Variants in CCL15 observed in about 807,000 individuals in gnomAD.
CCL15 encodes the protein C-C motif chemokine ligand 15.
CCL15 carries 8 observed loss-of-function variants against 10.6 expected under a neutral mutation model. The observed-to-expected ratio is 0.75, with a 90% CI of 0.44 to 1.36. CCL15 has a LOEUF of 1.36. Among genes scored for constraint, CCL15 ranks in the 40% most tolerant of loss-of-function variants. CCL15 has a pLI of 0.00. For missense variants in CCL15, 128 were observed against 136.6 expected (o/e 0.94, Z 0.32); for synonymous variants, 51 against 48.8 (o/e 1.04, Z -0.19).
chr17:35,998,435 C>T (rs756000188), intron 2 of CCL15, 44 bp from the exon 3 acceptor site: 46 of 1,366,734 alleles, frequency 3.4e-5, no homozygotes, highest in Admixed American at 1.8e-4. Context: ...TCTTTCTCCT[C>T]GAAAGCACAG....
At chr17:36,000,381 T>C (rs2089978719) in intron 1 of CCL15, among the ~76,000 whole-genome samples, 1 of 144,906 alleles carries the variant, frequency 6.9e-6, no homozygotes, top group Non-Finnish European at 1.5e-5. Flanking sequence ...GATAATTCAT[T>C]GAACCTGGTA....
Position 35,997,756 on chromosome 17 carries a change from T to C in CCL15, c.*11A>G, listed in dbSNP as rs200340682. 6.3e-7 allele frequency: 1 copy of C among 1,593,374 alleles called. No individual in the cohort carries two copies. The highest frequency in any genetic ancestry group is 8.6e-7 in the Non-Finnish European group (1 of 1,161,260). ...GGAGGTGGGTGGCTGGCCTCTTTTG[T>C]CTCTTTATTATTATATTGAGTAGGG... On this transcript the variant is annotated 3_prime_UTR_variant, in exon 4 of 4. Transcript: ENST00000617897.
At position 35,997,680 on chromosome 17, in the gene CCL15, A is replaced by AAT. The variant is rs2089930656; in HGVS notation, c.*85_*86dup. Reference sequence around the variant, plus strand: ...CATTACTTTCATTACCAGACACAACAATATATATATTTTTTAAGTATTTCA... The same window carrying AAT: ...CATTACTTTCATTACCAGACACAACAATATATATATATTTTTTAAGTATTTCA... On this transcript the variant is annotated 3_prime_UTR_variant, in exon 4 of 4. Transcript: ENST00000617897. 9.0e-6 allele frequency: 7 copies of AAT among 776,638 alleles called. No homozygotes were observed. Among genetic ancestry groups the AAT allele is most frequent in the Non-Finnish European group, 1.5e-5 (7 of 451,854 alleles). 48.1% of individuals were successfully genotyped at this position (776,638 alleles called of 1,614,324 possible).
rs538414903 is a variant in CCL15, at chr17:35,998,894, A to C, written c.108T>G (p.Leu36=). 8.7e-6 allele frequency: 14 copies of C among 1,614,036 alleles called. No individual in the cohort carries two copies. The South Asian group carries it at 1.3e-4, about 15-fold the overall frequency. The change falls in exon 2 of 4, where the codon CTT becomes CTG. Residue 36 remains leucine (L), a synonymous_variant. Coordinates refer to ENST00000617897, the MANE Select transcript of CCL15 (RefSeq NM_032965.6). ...DAETELMMSK[L]PLENPVVLNS... is the part of the protein sequence containing the mutation. Reference sequence around the variant, plus strand: ...TCAGAACTACTGGATTTTCCAGTGGAAGCTTTGACATCATTAACTCTGTCT... The same window carrying C: ...TCAGAACTACTGGATTTTCCAGTGGCAGCTTTGACATCATTAACTCTGTCT...
chr17:35,998,487 C>T, intron 2 of CCL15, 96 bp from the exon 3 acceptor site: 2 of 884,666 alleles, frequency 2.3e-6, no homozygotes, highest in Admixed American at 4.2e-5. Context: ...CATGTTTCTC[C>T]TCCTCGGCTA....
chr17:35,999,264 A>G (rs1440645686), intron 1 of CCL15, among the ~76,000 whole-genome samples: 1 of 152,206 alleles, frequency 6.6e-6, no homozygotes, highest in Admixed American at 6.5e-5. Context: ...TTTTTATTAT[A>G]GGGCTCTGGA....
intron 1 of CCL15, among the ~76,000 whole-genome samples, chr17:35,999,538 A>G (rs1212717832): frequency 6.6e-6 from 1 of 150,570 alleles, no homozygotes; most frequent in African/African-American, 2.5e-5. Flanking sequence ...ATCATAACTC[A>G]CTGCAGCCTT....
chr17:35,997,921 C>A, intron 3 of CCL15, 61 bp from the exon 4 acceptor site: 2 of 1,128,446 alleles, frequency 1.8e-6, no homozygotes, highest in East Asian at 2.4e-5. Flanking sequence ...GACAGGGGGC[C>A]CCATCCTCCC....
chr17:35,998,479 T>C (rs910515553), intron 2 of CCL15, 88 bp from the exon 3 acceptor site: 2 of 911,280 alleles, frequency 2.2e-6, no homozygotes. Context: ...TCTGAAGACA[T>C]GTTTCTCCTC....
chr17:36,000,780 T>A (rs939383568), intron 1 of CCL15, among the ~76,000 whole-genome samples: 4 of 151,862 alleles, frequency 2.6e-5, no homozygotes, highest in Non-Finnish European at 4.4e-5. Context: ...GAAACCCCAA[T>A]AAAGGTTCTG....
chr17:35,999,048 C>A (rs2089955438), intron 1 of CCL15, 123 bp from the exon 2 acceptor site: 1 of 777,482 alleles, frequency 1.3e-6, no homozygotes, highest in East Asian at 2.6e-5. Flanking sequence ...ACCACCACCA[C>A]CTGTCTGGGT....
chr17:36,001,315 C>G, intron 1 of CCL15, 102 bp downstream of exon 1: 1 of 1,460,648 alleles, frequency 6.8e-7, no homozygotes. Flanking sequence ...TAAATAAGTT[C>G]CATAACCATG....
intron 1 of CCL15, among the ~76,000 whole-genome samples, chr17:36,001,067 C>A (rs2089989624): frequency 6.6e-6 from 1 of 152,138 alleles, no homozygotes. Flanking sequence ...TAATTTTACA[C>A]CAGATGGTAG....
chr17:36,000,462 C>CAAAAAA (rs71157588), intron 1 of CCL15, among the ~76,000 whole-genome samples: 1 of 49,068 alleles, frequency 2.0e-5, no homozygotes. Context: ...AACTCCATCT[C>CAAAAAA]AAAAAAAAAA....
rs777217081 is a variant in CCL15 at position 35,998,916 on chromosome 17, G to A, written c.86C>T (p.Thr29Ile). 1.2e-6 allele frequency: 2 copies of A among 1,613,768 alleles called. No individual in the cohort carries two copies. Among genetic ancestry groups the A allele is most frequent in the Non-Finnish European group, 1.7e-6 (2 of 1,179,606 alleles). ...SQAQFTNDAETELMMSKLPLE... is the reference protein window; with the variant it reads ...SQAQFTNDAEIELMMSKLPLE... ...TGGAAGCTTTGACATCATTAACTCT[G>A]TCTCTGCATCTGAAAGAAACAGTAC... Residue 29 changes from threonine to isoleucine, a missense_variant, in exon 2 of 4, where the codon ACA (threonine) becomes ATA (isoleucine). Transcript: ENST00000617897.
Position 36,001,251 on chromosome 17 carries a change from G to A in CCL15, c.76+166C>T, listed in dbSNP as rs565697695. 9.1e-4 allele frequency among the ~76,000 whole-genome samples: 138 copies of A among 152,304 alleles called. 1 individual carries two copies. Among genetic ancestry groups the A allele is most frequent in the East Asian group, 5.8e-4 (3 of 5,194 alleles). ...ACCAGTCATCTGTGTACCTTTCCCC[G>A]CCAGGGTCCAAAGGCTGCAGACAGA... On this transcript the variant is annotated intron_variant, in intron 1 of 3. Transcript: ENST00000617897.
At position 35,997,774 on chromosome 17, in the gene CCL15, G is replaced by C. The variant is rs757761092; in HGVS notation, c.335C>G (p.Ser112Ter). The C allele has an allele frequency of 6.2e-7, 1 of 1,610,196 alleles. No homozygotes were observed. The highest frequency in any genetic ancestry group is 1.3e-5 in the African/African-American group (1 of 74,838). The part of the protein sequence containing the change: ...QDCMKKLKPY[S>*]I ...TCTTTTGTCTCTTTATTATTATATT[G>C]AGTAGGGCTTCAGCTTTTTCATGCA... Residue 112 changes from serine to a stop codon, truncating the protein, a stop_gained, in exon 4 of 4, where the codon TCA becomes TGA. Transcript: ENST00000617897. LOFTEE classifies it high-confidence loss of function.
At chr17:36,001,335 G>T (rs537700412) in intron 1 of CCL15, 82 bp downstream of exon 1, 4 of 1,546,314 alleles carry the variant, frequency 2.6e-6, no homozygotes, top group African/African-American at 1.4e-5. Flanking sequence ...GTCTGGGCTG[G>T]AGAGTAGTCA....
intron 3 of CCL15, 139 bp downstream of exon 3, chr17:35,998,141 C>A (rs2089938960): frequency 3.1e-6 from 2 of 645,528 alleles, no homozygotes; most frequent in East Asian, 5.4e-5. Context: ...CCTGCAGAAT[C>A]CTCGTAAGGA....
Sources: allele counts gnomAD v4.1 joint callset (sites outside exome capture counted in the v4.1 genomes callset), GRCh38; gene constraint gnomAD v4.1.1; transcripts MANE v1.5; gene names NCBI Gene and HGNC (gene_info 2026-07-23, HGNC 2026-07-21).